RALGAPA1: variants seen among roughly 807,000 people sequenced by gnomAD.
RALGAPA1 encodes ral GTPase-activating protein subunit alpha-1.
A neutral mutation model predicts 269.6 loss-of-function variants in RALGAPA1; 52 were observed. The observed-to-expected ratio is 0.19, with a 90% CI of 0.15 to 0.24. The LOEUF (loss-of-function observed/expected upper bound fraction) is 0.24. Among genes scored for constraint, RALGAPA1 ranks in the 10% least tolerant of loss-of-function variants. The pLI, the probability that RALGAPA1 is intolerant of heterozygous loss-of-function variation, is 1.00. For missense variants in RALGAPA1, 1,917 were observed against 3,013.9 expected (o/e 0.64, Z 8.52); for synonymous variants, 817 against 1,008.3 (o/e 0.81, Z 3.60).
At chr14:35,675,241 T>C (rs1015375393) in intron 22 of RALGAPA1, among the ~76,000 whole-genome samples, 23 of 152,186 alleles carry the variant, frequency 1.5e-4, no homozygotes, top group African/African-American at 4.8e-5. Flanking sequence ...AATGGCGTGA[T>C]CTTGACTTAC....
At chr14:35,648,138 C>CA (rs916468641) in intron 31 of RALGAPA1, among the ~76,000 whole-genome samples, 21 of 148,454 alleles carry the variant, frequency 1.4e-4, no homozygotes, top group Non-Finnish European at 2.4e-4. Flanking sequence ...AAAAACCAAC[C>CA]AAAAAAAAAC....
intron 16 of RALGAPA1, among the ~76,000 whole-genome samples, chr14:35,717,120 G>A (rs1425713939): frequency 1.3e-5 from 2 of 152,124 alleles, no homozygotes; most frequent in East Asian, 3.9e-4. Context: ...TTGCATATAT[G>A]CACAAAATAT....
At chr14:35,560,981 G>A (rs1194274516) in intron 39 of RALGAPA1, among the ~76,000 whole-genome samples, 1 of 152,022 alleles carries the variant, frequency 6.6e-6, no homozygotes, top group Non-Finnish European at 1.5e-5. Flanking sequence ...TGTAATCCCA[G>A]CACTTTGGGA....
intron 27 of RALGAPA1, among the ~76,000 whole-genome samples, chr14:35,663,879 C>T (rs963399634): frequency 6.6e-6 from 1 of 152,148 alleles, no homozygotes; most frequent in Non-Finnish European, 1.5e-5. Flanking sequence ...GTGTGAGCCA[C>T]TGCGCCCAGC....
intron 26 of RALGAPA1, among the ~76,000 whole-genome samples, 178 bp from the exon 27 acceptor site, chr14:35,664,945 T>G (rs960466167): frequency 6.6e-6 from 1 of 152,206 alleles, no homozygotes. Context: ...CATAAACTAC[T>G]GTTATTGTTA....
chr14:35,640,590 T>C (rs978703060), intron 31 of RALGAPA1, among the ~76,000 whole-genome samples: 1 of 152,112 alleles, frequency 6.6e-6, no homozygotes, highest in African/African-American at 2.4e-5. Flanking sequence ...AGAATAAAGC[T>C]GTAATAAAAA....
intron 37 of RALGAPA1, among the ~76,000 whole-genome samples, chr14:35,585,504 C>T (rs75172465): frequency 0.044 from 6,692 of 152,142 alleles, 395 homozygotes; most frequent in South Asian, 0.14. Flanking sequence ...CTACTTAAAG[C>T]CAATGAATTA....
chr14:35,687,440 T>C (rs1049444562), intron 18 of RALGAPA1, among the ~76,000 whole-genome samples: 2 of 152,156 alleles, frequency 1.3e-5, no homozygotes, highest in Admixed American at 1.3e-4. Flanking sequence ...AAAAACACAC[T>C]GGTCAGAAGC....
At chr14:35,601,820 T>C (rs2059307541) in intron 36 of RALGAPA1, among the ~76,000 whole-genome samples, 1 of 152,230 alleles carries the variant, frequency 6.6e-6, no homozygotes, top group Admixed American at 6.5e-5. Flanking sequence ...AAAGTATATC[T>C]ATTTGACTTT....
intron 12 of RALGAPA1, among the ~76,000 whole-genome samples, chr14:35,737,793 A>AAAAAAAAAAAAAAAAC (rs2071157248): frequency 7.1e-6 from 1 of 140,434 alleles, no homozygotes; most frequent in African/African-American, 2.7e-5. Context: ...AAAAAAAAAA[A>AAAAAAAAAAAAAAAAC]AGAATGTTCA....
chr14:35,597,433 T>C (rs935160541), intron 36 of RALGAPA1, among the ~76,000 whole-genome samples: 1 of 152,188 alleles, frequency 6.6e-6, no homozygotes. Context: ...TCTGATAATG[T>C]AAAGGAGAAA....
intron 27 of RALGAPA1, 103 bp downstream of exon 27, chr14:35,664,539 T>C: frequency 1.1e-6 from 1 of 910,620 alleles, no homozygotes; most frequent in Non-Finnish European, 1.6e-6. Context: ...TCTTTAACAA[T>C]TGTGTGGATT....
chr14:35,670,108 A>G (rs1293721110), intron 26 of RALGAPA1, among the ~76,000 whole-genome samples: 2 of 152,224 alleles, frequency 1.3e-5, no homozygotes, highest in Non-Finnish European at 2.9e-5. Context: ...AATATCATCT[A>G]TAAGCTAATG....
intron 1 of RALGAPA1, among the ~76,000 whole-genome samples, chr14:35,797,652 C>A (rs1287316275): frequency 6.6e-6 from 1 of 151,716 alleles, no homozygotes; most frequent in African/African-American, 2.4e-5. Flanking sequence ...TCGAGACCAG[C>A]CTTACCAACA....
intron 10 of RALGAPA1, among the ~76,000 whole-genome samples, chr14:35,747,930 C>T (rs1378867255): frequency 6.6e-6 from 1 of 150,518 alleles, no homozygotes; most frequent in African/African-American, 2.4e-5. Context: ...TAAGAAATAT[C>T]TGTCTTAATC....
intron 29 of RALGAPA1, among the ~76,000 whole-genome samples, chr14:35,655,473 A>G (rs2063116747): frequency 6.6e-6 from 1 of 152,122 alleles, no homozygotes; most frequent in Non-Finnish European, 1.5e-5. Context: ...AGATCAAAGA[A>G]CAGTAAGTTA....
chr14:35,647,677 G>A (rs1156243325), intron 31 of RALGAPA1, among the ~76,000 whole-genome samples: 1 of 152,202 alleles, frequency 6.6e-6, no homozygotes, highest in Non-Finnish European at 1.5e-5. Context: ...TTAAGGGCAG[G>A]TGTGGTGGCT....
intron 35 of RALGAPA1, among the ~76,000 whole-genome samples, chr14:35,611,563 C>T (rs1428952183): frequency 3.3e-5 from 5 of 150,434 alleles, no homozygotes; most frequent in African/African-American, 1.2e-4. Context: ...GAGACCCCGT[C>T]TCTACAAAAA....
chr14:35,705,491 T>G (rs926312629), intron 16 of RALGAPA1, among the ~76,000 whole-genome samples: 1 of 149,636 alleles, frequency 6.7e-6, no homozygotes, highest in African/African-American at 2.4e-5. Flanking sequence ...TTTCTTCATG[T>G]TTTTTTTTTC....
Sources: gnomAD v4.1 joint callset for allele counts (sites outside exome capture counted in the v4.1 genomes callset) on GRCh38, gnomAD v4.1.1 for gene constraint, MANE v1.5 for transcripts, NCBI Gene and HGNC (gene_info 2026-07-23, HGNC 2026-07-21) for gene names.